GSK3B: variants seen among roughly 807,000 people sequenced by gnomAD.
GSK3B encodes the protein glycogen synthase kinase 3 beta, also known as glycogen synthase kinase-3 beta.
In GSK3B, 15 loss-of-function variants were observed where a neutral mutation model predicts 56.4. The observed-to-expected ratio is 0.27, with a 90% CI of 0.18 to 0.41. The LOEUF (loss-of-function observed/expected upper bound fraction) is 0.41, where lower values mean the gene tolerates loss of function less well. GSK3B is among the 10% of genes least tolerant of loss of function. GSK3B has a pLI of 1.00. For synonymous variants in GSK3B, 181 were observed against 188.9 expected, an observed-to-expected ratio of 0.96 and a Z score of 0.34; for missense variants, 300 against 513.4, an observed-to-expected ratio of 0.58 and a Z score of 4.02.
At chr3:120,016,573 A>C (rs768053852) in intron 1 of GSK3B, among the ~76,000 whole-genome samples, 8 of 152,146 alleles carry the variant, frequency 5.3e-5, no homozygotes, top group Non-Finnish European at 1.2e-4. Flanking sequence ...CCTGAAACCA[A>C]CTTTTTGTGT....
At chr3:119,936,776 G>C (rs980632611) in intron 3 of GSK3B, among the ~76,000 whole-genome samples, 3 of 151,822 alleles carry the variant, frequency 2.0e-5, no homozygotes, top group African/African-American at 7.3e-5. Flanking sequence ...GGGAGAAATG[G>C]GCAGCTGTAC....
Position 120,029,293 on chromosome 3 carries a change from C to G in GSK3B, c.89-27054G>C. ...TTTGTATTCTGTTTATAGAGAGTAC[C>G]TTCTCTGCAGCGGACAATGATCAGA... On this transcript the variant is annotated intron_variant, in intron 1 of 10. Coordinates refer to ENST00000264235, the MANE Select transcript of GSK3B (RefSeq NM_001146156.2). 6.7e-6 allele frequency: 5 copies of G among 741,978 alleles called. No individual in the cohort carries two copies. The South Asian group carries it at 6.8e-5, about 10-fold the overall frequency. The allele number at this position is 741,978 out of a possible 1,614,324, so 46.0% of individuals were successfully genotyped here. A position where few individuals can be genotyped will look rare whatever the true frequency, so the allele number is the denominator to read the frequency against.
chr3:119,915,020 A>C (rs989251569), intron 5 of GSK3B, among the ~76,000 whole-genome samples: 1 of 152,096 alleles, frequency 6.6e-6, no homozygotes, highest in African/African-American at 2.4e-5. Context: ...AGGTGATTAC[A>C]CCAGTGAGGA....
chr3:119,842,332 A>G (rs372416492), intron 10 of GSK3B, among the ~76,000 whole-genome samples: 40 of 152,226 alleles, frequency 2.6e-4, no homozygotes, highest in Admixed American at 1.4e-3. Flanking sequence ...TTTTTGGTAT[A>G]TAAGAGTCTT....
At chr3:119,968,776 G>A (rs562507349) in intron 2 of GSK3B, among the ~76,000 whole-genome samples, 4 of 152,040 alleles carry the variant, frequency 2.6e-5, no homozygotes, top group African/African-American at 4.8e-5. Context: ...GTCTTTGCTC[G>A]CCAATAACAT....
intron 2 of GSK3B, among the ~76,000 whole-genome samples, chr3:119,993,199 AG>A (rs1482360650): frequency 6.6e-6 from 1 of 151,980 alleles, no homozygotes; most frequent in Non-Finnish European, 1.5e-5. Flanking sequence ...AACAAAACTG[AG>A]GAAAAGTAAG....
At chr3:120,091,990 G>A (rs966518860) in intron 1 of GSK3B, among the ~76,000 whole-genome samples, 2 of 152,104 alleles carry the variant, frequency 1.3e-5, no homozygotes, top group African/African-American at 4.8e-5. Flanking sequence ...ATAACATCAT[G>A]TTTTGCGTGT....
intron 2 of GSK3B, among the ~76,000 whole-genome samples, chr3:120,000,802 G>GA (rs1370668974): frequency 5.2e-5 from 2 of 38,642 alleles, no homozygotes; most frequent in African/African-American, 1.1e-4. Context: ...AGAAGGACAA[G>GA]AAAAAAAAGG....
chr3:119,894,496 T>C (rs1403574824), intron 7 of GSK3B, among the ~76,000 whole-genome samples: 1 of 152,194 alleles, frequency 6.6e-6, no homozygotes, highest in Non-Finnish European at 1.5e-5. Context: ...TTGCATTTCC[T>C]TGATGAATAA....
At chr3:119,890,534 A>G (rs575207149) in intron 7 of GSK3B, among the ~76,000 whole-genome samples, 1 of 152,182 alleles carries the variant, frequency 6.6e-6, no homozygotes, top group South Asian at 2.1e-4. Flanking sequence ...GCCTGGGACC[A>G]TCTTGGCAAA....
intron 1 of GSK3B, among the ~76,000 whole-genome samples, chr3:120,074,614 C>T (rs943718987): frequency 7.2e-5 from 11 of 151,924 alleles, no homozygotes; most frequent in East Asian, 3.9e-4. Context: ...CCACACCCAG[C>T]GCTGAGAAAC....
intron 1 of GSK3B, among the ~76,000 whole-genome samples, chr3:120,060,248 G>A (rs140662676): frequency 6.6e-6 from 1 of 152,066 alleles, no homozygotes; most frequent in Non-Finnish European, 1.5e-5. Context: ...GAAAGTGCAG[G>A]GTCAAGGACA....
chr3:120,085,237 T>C (rs1276288363), intron 1 of GSK3B, among the ~76,000 whole-genome samples: 3 of 152,232 alleles, frequency 2.0e-5, no homozygotes, highest in African/African-American at 2.4e-5. Context: ...GAGAATATGA[T>C]ATACAGTACG....
rs371628343 is a variant in GSK3B at position 119,859,094 on chromosome 3, G to T, written c.1096+4325C>A. ...CAGAGACACAAAATAAACATAAGCT[G>T]TTGGAAAAATGGCACCAAAGTAAGC... is the stretch of plus-strand genomic sequence containing the variant. On this transcript the variant is annotated intron_variant, in intron 9 of 10. Transcript: ENST00000264235. Among the ~76,000 whole-genome samples the T allele has an allele frequency of 7.3e-4, 110 of 151,542 alleles. 1 individual carries two copies. Among genetic ancestry groups the T allele is most frequent in the African/African-American group, 2.3e-3 (96 of 41,322 alleles).
chr3:119,875,331 G>A (rs1576166581), intron 8 of GSK3B, among the ~76,000 whole-genome samples: 1 of 151,346 alleles, frequency 6.6e-6, no homozygotes, highest in Non-Finnish European at 1.5e-5. Context: ...TTCTACAGAG[G>A]GTAAATTATT....
At chr3:119,871,372 G>A (rs1030104767) in intron 8 of GSK3B, among the ~76,000 whole-genome samples, 1 of 152,026 alleles carries the variant, frequency 6.6e-6, no homozygotes, top group Non-Finnish European at 1.5e-5. Flanking sequence ...AATGACCTAT[G>A]GTCATACAAA....
intron 9 of GSK3B, among the ~76,000 whole-genome samples, chr3:119,855,797 G>A (rs1577318266): frequency 6.6e-6 from 1 of 152,046 alleles, no homozygotes; most frequent in Non-Finnish European, 1.5e-5. Context: ...CTTGGACACA[G>A]GGTGGGGAAC....
intron 1 of GSK3B, among the ~76,000 whole-genome samples, chr3:120,013,760 T>C (rs188285818): frequency 2.6e-5 from 4 of 152,076 alleles, no homozygotes; most frequent in Non-Finnish European, 4.4e-5. Flanking sequence ...TTAAAGGATG[T>C]TTACATAAGA....
At position 119,928,764 on chromosome 3, in the gene GSK3B, T is replaced by C. The variant is rs73854743; in HGVS notation, c.367-5281A>G. 4.9e-3 allele frequency among the ~76,000 whole-genome samples: 748 copies of C among 152,070 alleles called. 3 individuals are homozygous for C. Among genetic ancestry groups the C allele is most frequent in the African/African-American group, 0.017 (702 of 41,496 alleles). ...TGAGTCACATAAAACTATATAGAAGTCCCAATTCTGTTACTAGGAGTTATG... is the reference window on the plus strand; with the variant it reads ...TGAGTCACATAAAACTATATAGAAGCCCCAATTCTGTTACTAGGAGTTATG... On this transcript the variant is annotated intron_variant, in intron 3 of 10. Transcript: ENST00000264235.
Sources: allele counts gnomAD v4.1 joint callset (sites outside exome capture counted in the v4.1 genomes callset), GRCh38; gene constraint gnomAD v4.1.1; transcripts MANE v1.5; gene names NCBI Gene and HGNC (gene_info 2026-07-23, HGNC 2026-07-21).